Variants in CR2 observed in about 807,000 individuals in gnomAD.
CR2 encodes the protein complement receptor type 2.
In CR2, 96 loss-of-function variants were observed where a neutral mutation model predicts 123.0. That is an observed-to-expected ratio of 0.78 (90% CI 0.66 to 0.93). The LOEUF (loss-of-function observed/expected upper bound fraction) is 0.93. Among genes scored for constraint, CR2 ranks in the 40% least tolerant of loss-of-function variants. The pLI is 0.00. For synonymous variants in CR2, 484 were observed against 469.5 expected (o/e 1.03, Z -0.40); for missense variants, 1,258 against 1,361.0 (o/e 0.92, Z 1.19).
At chr1:207,478,573 A>T (rs1417119767) in intron 16 of CR2, among the ~76,000 whole-genome samples, 1 of 151,096 alleles carries the variant, frequency 6.6e-6, no homozygotes, top group Non-Finnish European at 1.5e-5. Flanking sequence ...AATAAAATAA[A>T]AAAGAAAAAG....
chr1:207,467,553 T>A (rs1489958894), intron 2 of CR2, among the ~76,000 whole-genome samples: 1 of 152,136 alleles, frequency 6.6e-6, no homozygotes, highest in Non-Finnish European at 1.5e-5. Flanking sequence ...ATGGCAATAT[T>A]TGACAAAAAT....
intron 4 of CR2, 111 bp from the exon 5 acceptor site, chr1:207,469,039 A>T (rs1658189865): frequency 2.2e-6 from 3 of 1,339,872 alleles, no homozygotes; most frequent in Admixed American, 3.4e-5. Flanking sequence ...TGCTGATAAA[A>T]GGAACAGATG....
Position 207,473,810 on chromosome 1 carries a change from A to T in CR2, c.2165A>T (p.Gln722Leu), listed in dbSNP as rs995653202. The T allele has an allele frequency of 6.8e-6, 11 of 1,613,890 alleles. No homozygotes were observed. Among genetic ancestry groups the T allele is most frequent in the Middle Eastern group, 1.6e-4 (1 of 6,080 alleles). ...ATCCTTGCTTCTCCAGAAACATGCCAGCATGTGAGACAGAGTCTTCAAGAA... is the reference window on the plus strand; with the variant it reads ...ATCCTTGCTTCTCCAGAAACATGCCTGCATGTGAGACAGAGTCTTCAAGAA... ...PSAPRCEETCQHVRQSLQELP... is the reference protein window; with the variant it reads ...PSAPRCEETCLHVRQSLQELP... Residue 722 changes from glutamine to leucine, a missense_variant, in exon 12 of 20, where the codon CAG becomes CTG. By Grantham distance (113) the Gln-to-Leu change is moderately radical. Coordinates refer to ENST00000367057, the MANE Select transcript of CR2 (RefSeq NM_001006658.3).
At chr1:207,472,270 C>T (rs774574050) in intron 9 of CR2, among the ~76,000 whole-genome samples, 8 of 151,768 alleles carry the variant, frequency 5.3e-5, no homozygotes, top group African/African-American at 1.2e-4. Context: ...TAAAAAGAAA[C>T]GTAGAAAATT....
At chr1:207,485,328 A>C (rs2102315010) in intron 18 of CR2, 136 bp from the exon 19 acceptor site, 1 of 652,362 alleles carries the variant, frequency 1.5e-6, no homozygotes, top group Admixed American at 2.3e-5. Context: ...CCAGAACTTA[A>C]AGTATAATTT....
chr1:207,472,078 T>C (rs1044735975), intron 9 of CR2: 4 of 170,584 alleles, frequency 2.3e-5, no homozygotes, highest in Non-Finnish European at 2.6e-5. Context: ...TAAAACCCCA[T>C]CTCTACTAAA....
chr1:207,475,436 A>G (rs1005256750), intron 14 of CR2, among the ~76,000 whole-genome samples: 11 of 152,358 alleles, frequency 7.2e-5, no homozygotes, highest in African/African-American at 2.6e-4. Context: ...TGAAAGGATA[A>G]TGGCTAACTT....
At position 207,469,152 on chromosome 1, in the gene CR2, A is replaced by T; in HGVS notation, c.737A>T (p.Tyr246Phe). Reference sequence around the variant, plus strand: ...GAATGACAACCTTCTGTCTCCAGGTATCGACTGCAAGGCCCACCTTCTAGT... The same window carrying T: ...GAATGACAACCTTCTGTCTCCAGGTTTCGACTGCAAGGCCCACCTTCTAGT... The part of the protein sequence containing the change: ...VTANFFCDEG[Y>F]RLQGPPSSRC... Residue 246 changes from tyrosine (Y) to phenylalanine (F), a missense_variant and splice_region_variant, in exon 5 of 20, where the codon TAT (tyrosine) becomes TTT (phenylalanine). Coordinates refer to ENST00000367057, the MANE Select transcript of CR2 (RefSeq NM_001006658.3). 1 of 1,613,830 alleles carries T rather than the reference A, an allele frequency of 6.2e-7. No individual in the cohort carries two copies. The highest frequency in any genetic ancestry group is 8.5e-7 in the Non-Finnish European group (1 of 1,179,720).
chr1:207,462,748 A>G (rs946084997), intron 1 of CR2, among the ~76,000 whole-genome samples: 1 of 152,178 alleles, frequency 6.6e-6, no homozygotes, highest in Non-Finnish European at 1.5e-5. Context: ...TGAAGAGAAG[A>G]GAGTAGAGGA....
chr1:207,463,299 C>G (rs984333618), intron 1 of CR2, among the ~76,000 whole-genome samples: 6 of 152,118 alleles, frequency 3.9e-5, no homozygotes, highest in Admixed American at 2.0e-4. Context: ...AACCAGAAAC[C>G]ATCACTCTTC....
At chr1:207,485,358 C>T (rs1017254307) in intron 18 of CR2, 106 bp from the exon 19 acceptor site, 1 of 741,618 alleles carries the variant, frequency 1.3e-6, no homozygotes, top group Admixed American at 2.1e-5. Context: ...AAATCATCCA[C>T]AAAAGTACTT....
At chr1:207,461,250 G>C (rs1032311128) in intron 1 of CR2, among the ~76,000 whole-genome samples, 1 of 151,944 alleles carries the variant, frequency 6.6e-6, no homozygotes, top group African/African-American at 2.4e-5. Flanking sequence ...TGCCTTTCCT[G>C]TTTTCCCCAG....
In CR2 at chr1:207,476,382, T is replaced by C. The variant is rs1658439903; in HGVS notation, c.2865T>C (p.His955=). 6.2e-7 allele frequency: 1 copy of C among 1,613,748 alleles called. No individual in the cohort carries two copies. Among genetic ancestry groups the C allele is most frequent in the African/African-American group, 1.3e-5 (1 of 74,918 alleles). The change falls in exon 15 of 20, where the codon CAT becomes CAC. Residue 955 remains histidine, a synonymous_variant. Transcript: ENST00000367057. ...LVGEALLLCT[H]EGTWSQPAPH... is the part of the protein sequence containing the mutation. The stretch of plus-strand genomic sequence containing the variant: ...GAGAGGCACTCCTTCTTTGCACACA[T>C]GAGGGAACCTGGAGCCAACCTGCCC...
intron 9 of CR2, among the ~76,000 whole-genome samples, chr1:207,472,233 C>T (rs1018518223): frequency 5.3e-5 from 8 of 151,492 alleles, no homozygotes; most frequent in African/African-American, 1.9e-4. Flanking sequence ...TAGGCAACAG[C>T]GTGAGACTCC....
intron 9 of CR2, 103 bp from the exon 10 acceptor site, chr1:207,472,669 G>A (rs541510714): frequency 1.7e-4 from 202 of 1,211,690 alleles, no homozygotes; most frequent in Non-Finnish European, 2.0e-4. Flanking sequence ...TACCCATACC[G>A]TCCAGGAAAC....
chr1:207,468,376 C>A, intron 2 of CR2, 151 bp from the exon 3 acceptor site: 2 of 699,224 alleles, frequency 2.9e-6, no homozygotes, highest in Non-Finnish European at 4.9e-6. Context: ...TATCAGCTAT[C>A]ATTAGTGTTA....
rs565397037 is a variant in CR2, at chr1:207,470,788, A to T, written c.1274A>T (p.His425Leu). The change falls in exon 7 of 20, where the codon CAC (histidine) becomes CTC (leucine). Residue 425 changes from histidine (H) to leucine (L), a missense_variant. His to Leu is a moderately conservative substitution (Grantham distance 99, BLOSUM62 -3). Coordinates refer to ENST00000367057, the MANE Select transcript of CR2 (RefSeq NM_001006658.3). The stretch of plus-strand genomic sequence containing the variant: ...CTCAATGGGCAAAAGGAAGATAGAC[A>T]CATGGTCCGCTTTGACCCTGGAACA... ...NILNGQKEDR[H>L]MVRFDPGTSI... 447 of 1,613,954 alleles carry T rather than the reference A, an allele frequency of 2.8e-4. 4 individuals carry two copies. The South Asian group carries it at 4.5e-3, about 16-fold the overall frequency.
At chr1:207,483,938 GA>G (rs1434633368) in intron 18 of CR2, among the ~76,000 whole-genome samples, 3 of 152,170 alleles carry the variant, frequency 2.0e-5, no homozygotes, top group Non-Finnish European at 4.4e-5. Flanking sequence ...TCAAAAGGCA[GA>G]AAGTGAAGGA....
chr1:207,475,375 ATTGT>A lies in CR2; in HGVS notation c.2716+166_2716+169del, dbSNP rs138815559. On this transcript the variant is annotated intron_variant, in intron 14 of 19. Transcript: ENST00000367057. ...TTGCCTTTTCCTATCTTCTCACTTGATTGTTTGTTTTCTCTTTCCTTTCTCAGTA... is the reference window on the plus strand; with the variant it reads ...TTGCCTTTTCCTATCTTCTCACTTGATTGTTTTCTCTTTCCTTTCTCAGTA... 9.3e-3 allele frequency among the ~76,000 whole-genome samples: 1,423 copies of A among 152,254 alleles called. 23 individuals carry two copies. Among genetic ancestry groups the A allele is most frequent in the African/African-American group, 0.033 (1,363 of 41,550 alleles).
Sources: gnomAD v4.1 joint callset for allele counts (sites outside exome capture counted in the v4.1 genomes callset) on GRCh38, gnomAD v4.1.1 for gene constraint, MANE v1.5 for transcripts, NCBI Gene and HGNC (gene_info 2026-07-23, HGNC 2026-07-21) for gene names.